The following ELF1 variants were observed in gnomAD, a reference collection of about 807,000 sequenced individuals.
ELF1 encodes the protein ETS-related transcription factor Elf-1.
In ELF1, 24 loss-of-function variants were observed where a neutral mutation model predicts 59.9. The observed-to-expected ratio is 0.40, with a 90% CI of 0.29 to 0.56. The LOEUF is 0.56. Among genes scored for constraint, ELF1 ranks in the 20% least tolerant of loss-of-function variants. ELF1 has a pLI of 0.44. For missense variants in ELF1, 627 were observed against 742.2 expected, an observed-to-expected ratio of 0.84 and a Z score of 1.80; for synonymous variants, 248 against 266.2, an observed-to-expected ratio of 0.93 and a Z score of 0.67.
chr13:41,011,413 T>G (rs546037580), intron 1 of ELF1, among the ~76,000 whole-genome samples: 18 of 152,284 alleles, frequency 1.2e-4, no homozygotes, highest in African/African-American at 4.3e-4. Flanking sequence ...CACTTACATC[T>G]GAATCTACCC....
intron 1 of ELF1, among the ~76,000 whole-genome samples, chr13:40,997,824 T>A (rs549818770): frequency 2.0e-5 from 3 of 152,292 alleles, no homozygotes; most frequent in African/African-American, 7.2e-5. Flanking sequence ...TGTCTGGCAA[T>A]CATCTAAGCT....
chr13:41,054,846 C>G (rs1877227861), intron 1 of ELF1, among the ~76,000 whole-genome samples: 1 of 152,236 alleles, frequency 6.6e-6, no homozygotes, highest in African/African-American at 2.4e-5. Context: ...CTACCAAATT[C>G]ATTTCATTAA....
rs191449211 is a variant in ELF1, at chr13:40,935,509, A to G, written c.1257-1481T>C. Among the ~76,000 whole-genome samples, 30 of 152,294 alleles carry G rather than the reference A, an allele frequency of 2.0e-4. No individual in the cohort carries two copies. In the East Asian group the frequency reaches 5.8e-3, roughly 29 times the overall value. ...CCCAGAGCAATTCAGGACACGTTCA[A>G]AAGAAGTGGGAATAAAGACACAGGA... On this transcript the variant is annotated intron_variant, in intron 8 of 8. Transcript: ENST00000239882.
intron 1 of ELF1, among the ~76,000 whole-genome samples, chr13:40,998,242 C>A (rs1395708390): frequency 6.6e-6 from 1 of 152,168 alleles, no homozygotes; most frequent in Admixed American, 6.5e-5. Context: ...CAGTCATTTG[C>A]CACATAACAA....
At chr13:40,952,976 A>AT (rs1870952626) in intron 3 of ELF1, among the ~76,000 whole-genome samples, 1 of 72,414 alleles carries the variant, frequency 1.4e-5, no homozygotes. Context: ...CTAACAATAA[A>AT]TCTTTTTTTT....
At chr13:40,947,774 G>A (rs1870595616) in intron 5 of ELF1, among the ~76,000 whole-genome samples, 1 of 152,190 alleles carries the variant, frequency 6.6e-6, no homozygotes, top group Non-Finnish European at 1.5e-5. Context: ...CAGAATACAT[G>A]AGGAAGACAC....
chr13:40,986,462 C>G (rs1441591524), intron 1 of ELF1, among the ~76,000 whole-genome samples: 1 of 152,190 alleles, frequency 6.6e-6, no homozygotes, highest in Non-Finnish European at 1.5e-5. Context: ...GTAACAGGTG[C>G]ATGCTAGGTA....
chr13:41,000,007 C>T (rs1168736899), intron 1 of ELF1, among the ~76,000 whole-genome samples: 1 of 152,168 alleles, frequency 6.6e-6, no homozygotes, highest in Non-Finnish European at 1.5e-5. Context: ...ACTGTTGCAT[C>T]TTTGGATGAC....
Position 40,933,975 on chromosome 13 carries a change from T to C in ELF1, c.1310A>G (p.Gln437Arg), listed in dbSNP as rs764082039. The change falls in exon 9 of 9, where the codon CAG (glutamine) becomes CGG (arginine). Residue 437 changes from glutamine to arginine, a missense_variant. Gln to Arg is a conservative substitution (Grantham distance 43, BLOSUM62 1). Coordinates refer to ENST00000239882, the MANE Select transcript of ELF1 (RefSeq NM_172373.4). ...VPVVVSPRNQ[Q>R]LHTVTLQTVP... is the part of the protein sequence containing the mutation. ...TGTTTGGAGTGTTACTGTATGCAAC[T>C]GCTGATTCCTAGGAGACACAACCAC... is the stretch of plus-strand genomic sequence containing the variant. 1.2e-6 allele frequency: 2 copies of C among 1,614,236 alleles called. No homozygotes were observed. Among genetic ancestry groups the C allele is most frequent in the Admixed American group, 3.3e-5 (2 of 60,030 alleles).
At position 40,951,361 on chromosome 13, in the gene ELF1, G is replaced by T; in HGVS notation, c.329C>A (p.Ser110Tyr). The stretch of plus-strand genomic sequence containing the variant: ...TTTTTCATCCAGCATAGGGCCAGGG[G>T]AATCCATATTGAGGAGTGCCTCAGC... Reference protein sequence around the residue: ...EAAEALLNMDSPGPMLDEKRI... With the variant: ...EAAEALLNMDYPGPMLDEKRI... Residue 110 changes from serine to tyrosine, a missense_variant, in exon 4 of 9, where the codon TCC becomes TAC. By Grantham distance (144) the Ser-to-Tyr change is moderately radical (BLOSUM62 -2). This residue lies in a region of ELF1 where 232 missense variants were observed against 269.2 expected (regional missense o/e 0.86). Transcript: ENST00000239882. 6.2e-7 allele frequency: 1 copy of T among 1,613,228 alleles called. No individual in the cohort carries two copies. Among genetic ancestry groups the T allele is most frequent in the Non-Finnish European group, 8.5e-7 (1 of 1,179,514 alleles).
chr13:41,016,155 G>A (rs1232285688), intron 1 of ELF1, among the ~76,000 whole-genome samples: 1 of 152,106 alleles, frequency 6.6e-6, no homozygotes, highest in Non-Finnish European at 1.5e-5. Context: ...AACAAGCCCT[G>A]TTTTCCCAAC....
rs749718036 is a variant in ELF1, at chr13:41,028,349, A to G, written c.-229+32489T>C. Among the ~76,000 whole-genome samples, 5 of 152,358 alleles carry G rather than the reference A, an allele frequency of 3.3e-5. No homozygotes were observed. The East Asian group carries it at 5.8e-4, about 18-fold the overall frequency. On this transcript the variant is annotated intron_variant, in intron 1 of 1. Coordinates refer to the ELF1 transcript ENST00000405737. ...CCTTGGGGCATCTCTTTGTATTATC[A>G]TGCCCTTTAAATAAGTCAACGGGAA...
chr13:41,059,833 C>T (rs768166279), intron 1 of ELF1, among the ~76,000 whole-genome samples: 1 of 152,152 alleles, frequency 6.6e-6, no homozygotes, highest in Non-Finnish European at 1.5e-5. Flanking sequence ...TTTCCCAAGC[C>T]CCACCTCCAC....
chr13:40,990,453 T>C (rs1873783528), intron 1 of ELF1, among the ~76,000 whole-genome samples: 2 of 152,202 alleles, frequency 1.3e-5, no homozygotes, highest in Non-Finnish European at 2.9e-5. Context: ...TAGCATGTAT[T>C]AGTAATCACT....
upstream of ELF1, among the ~76,000 whole-genome samples, chr13:41,019,760 T>G (rs1042786475): frequency 2.6e-5 from 4 of 152,084 alleles, no homozygotes; most frequent in African/African-American, 7.2e-5. Context: ...AACCCTCATA[T>G]GAAAGAGATA....
intron 3 of ELF1, among the ~76,000 whole-genome samples, chr13:40,955,397 C>G (rs1410686940): frequency 7.1e-6 from 1 of 141,030 alleles, no homozygotes; most frequent in Non-Finnish European, 1.6e-5. Context: ...CCTGCCCGGC[C>G]AGCTGCCCAT....
At chr13:41,015,687 A>G (rs1282806561) in intron 1 of ELF1, among the ~76,000 whole-genome samples, 4 of 152,212 alleles carry the variant, frequency 2.6e-5, no homozygotes, top group African/African-American at 9.6e-5. Context: ...AAGGTTGACA[A>G]TTACAGCTTT....
chr13:40,992,195 A>G (rs1322958852), intron 1 of ELF1, among the ~76,000 whole-genome samples: 2 of 152,238 alleles, frequency 1.3e-5, no homozygotes, highest in Non-Finnish European at 2.9e-5. Flanking sequence ...GAACTCAGAG[A>G]AGATAAACGA....
intron 2 of ELF1, among the ~76,000 whole-genome samples, chr13:40,966,877 C>T (rs2138220525): frequency 1.3e-5 from 2 of 152,330 alleles, no homozygotes; most frequent in African/African-American, 4.8e-5. Flanking sequence ...AAAGCAGACA[C>T]TACTTTTTAA....
Sources: allele counts gnomAD v4.1 joint callset (sites outside exome capture counted in the v4.1 genomes callset), GRCh38; gene constraint gnomAD v4.1.1; regional missense constraint gnomAD v4.1.1; transcripts MANE v1.5; gene names NCBI Gene and HGNC (gene_info 2026-07-23, HGNC 2026-07-21).